ZNF618: variants seen among roughly 807,000 people sequenced by gnomAD.
ZNF618 encodes zinc finger protein 618.
Under a neutral mutation model 103.0 loss-of-function variants are expected in ZNF618, and 34 were observed. The ratio of observed to expected loss-of-function variants is 0.33; its 90% CI spans 0.25 to 0.44. The LOEUF (loss-of-function observed/expected upper bound fraction) is 0.44, where lower values mean the gene tolerates loss of function less well. ZNF618 is among the 20% of genes least tolerant of loss of function. ZNF618 has a pLI of 1.00. For missense variants in ZNF618, 1,059 were observed against 1,295.4 expected, an observed-to-expected ratio of 0.82 and a Z score of 2.80; for synonymous variants, 551 against 542.2, an observed-to-expected ratio of 1.02 and a Z score of -0.23.
chr9:113,935,238 G>A (rs35678978), intron 1 of ZNF618, among the ~76,000 whole-genome samples: 6,652 of 152,280 alleles, frequency 0.044, 150 homozygotes, highest in African/African-American at 0.05. Context: ...ACCTCTCTGG[G>A]TAGTGCCCCT....
chr9:113,994,262 G>A (rs1028943199), intron 3 of ZNF618, among the ~76,000 whole-genome samples: 1 of 152,194 alleles, frequency 6.6e-6, no homozygotes, highest in African/African-American at 2.4e-5. Context: ...TTCAGCCTGT[G>A]ACAGACCCAG....
chr9:113,984,858 A>G (rs1354277204), intron 2 of ZNF618, among the ~76,000 whole-genome samples: 2 of 152,186 alleles, frequency 1.3e-5, no homozygotes, highest in Admixed American at 6.5e-5. Flanking sequence ...CTTCATCAGC[A>G]TGACCACCTC....
intron 9 of ZNF618, among the ~76,000 whole-genome samples, chr9:114,011,611 A>T (rs1035517279): frequency 4.6e-5 from 7 of 152,178 alleles, no homozygotes; most frequent in Non-Finnish European, 8.8e-5. Context: ...ATGCCACAGA[A>T]CGCGAAAAAC....
intron 1 of ZNF618, among the ~76,000 whole-genome samples, chr9:113,878,962 CCTT>C (rs1452247548): frequency 1.3e-5 from 2 of 151,526 alleles, no homozygotes; most frequent in African/African-American, 4.8e-5. Context: ...GTAACGAAAT[CCTT>C]CAGGGCTGAC....
intron 1 of ZNF618, among the ~76,000 whole-genome samples, chr9:113,935,091 C>T (rs377524960): frequency 5.3e-5 from 8 of 152,214 alleles, no homozygotes; most frequent in African/African-American, 1.7e-4. Flanking sequence ...AGAGGGACCT[C>T]AGTGGCCTGG....
chr9:113,920,880 G>A (rs755070550), intron 1 of ZNF618, among the ~76,000 whole-genome samples: 2 of 152,250 alleles, frequency 1.3e-5, no homozygotes, highest in Non-Finnish European at 2.9e-5. Flanking sequence ...CATGTGGCTA[G>A]TTGTAGTTTT....
At chr9:113,999,689 G>T (rs1840990990) in intron 4 of ZNF618, among the ~76,000 whole-genome samples, 2 of 152,362 alleles carry the variant, frequency 1.3e-5, no homozygotes, top group East Asian at 3.9e-4. Context: ...CCCCACTGCA[G>T]TTGGGCCAGG....
At chr9:113,924,341 A>C (rs2131702683) in intron 1 of ZNF618, among the ~76,000 whole-genome samples, 1 of 151,512 alleles carries the variant, frequency 6.6e-6, no homozygotes, top group East Asian at 1.9e-4. Context: ...TCATCCTTTT[A>C]ATGTCCATGA....
At chr9:113,950,278 C>G (rs1374551695) in intron 1 of ZNF618, among the ~76,000 whole-genome samples, 1 of 152,302 alleles carries the variant, frequency 6.6e-6, no homozygotes, top group African/African-American at 2.4e-5. Flanking sequence ...TGAGCATGTG[C>G]TAGTTGACAC....
At chr9:114,000,166 T>A (rs1318536739) in intron 4 of ZNF618, among the ~76,000 whole-genome samples, 2 of 151,984 alleles carry the variant, frequency 1.3e-5, no homozygotes, top group Non-Finnish European at 2.9e-5. Context: ...GCCCTTGGAG[T>A]GACCCACAGT....
intron 1 of ZNF618, among the ~76,000 whole-genome samples, chr9:113,946,843 A>G (rs1835083434): frequency 1.3e-5 from 2 of 152,196 alleles, no homozygotes; most frequent in African/African-American, 2.4e-5. Flanking sequence ...GGTTATTCCC[A>G]GGACCCTTCC....
At chr9:113,949,901 C>T (rs1835391332) in intron 1 of ZNF618, among the ~76,000 whole-genome samples, 1 of 152,134 alleles carries the variant, frequency 6.6e-6, no homozygotes, top group South Asian at 2.1e-4. Flanking sequence ...AGGGAGTTGG[C>T]ACGGGAGGCA....
chr9:113,878,549 G>A (rs976753708), intron 1 of ZNF618, among the ~76,000 whole-genome samples: 2 of 152,160 alleles, frequency 1.3e-5, no homozygotes, highest in Non-Finnish European at 1.5e-5. Context: ...TGACAGATGA[G>A]AATAAAGTAC....
chr9:114,027,078 A>G (rs983936943), intron 10 of ZNF618, among the ~76,000 whole-genome samples: 1 of 152,144 alleles, frequency 6.6e-6, no homozygotes, highest in Non-Finnish European at 1.5e-5. Context: ...GCCTATTGCA[A>G]CATTGAATGT....
intron 1 of ZNF618, among the ~76,000 whole-genome samples, chr9:113,886,268 T>C (rs1166565216): frequency 6.6e-6 from 1 of 152,212 alleles, no homozygotes; most frequent in Non-Finnish European, 1.5e-5. Context: ...CCTCTCAGCT[T>C]TGAGCCTGTG....
intron 2 of ZNF618, among the ~76,000 whole-genome samples, chr9:113,980,573 G>T (rs1838882074): frequency 6.6e-6 from 1 of 152,132 alleles, no homozygotes; most frequent in African/African-American, 2.4e-5. Context: ...AATTAAAAAA[G>T]ATAAATAAGA....
intron 13 of ZNF618, among the ~76,000 whole-genome samples, chr9:114,043,926 G>A (rs1588447715): frequency 1.3e-5 from 2 of 152,260 alleles, no homozygotes; most frequent in East Asian, 3.9e-4. Flanking sequence ...ATTTGTTTGA[G>A]TTCTTCATAG....
In ZNF618 at chr9:114,048,529, GT is replaced by G. The variant is rs2134664730; in HGVS notation, c.1349-121del. The G allele has an allele frequency of 1.2e-5, 12 of 1,030,110 alleles. No individual in the cohort carries two copies. The South Asian group carries it at 2.0e-4, about 17-fold the overall frequency. 63.8% of individuals were successfully genotyped at this position (1,030,110 alleles called of 1,614,324 possible). A position where few individuals can be genotyped will look rare whatever the true frequency, so the allele number is the denominator to read the frequency against. On this transcript the variant is annotated intron_variant, in intron 14 of 14. Transcript: ENST00000374126. The stretch of plus-strand genomic sequence containing the variant: ...TAAAGGCAGCCAGCACCACCCATGT[GT>G]GTGCAAGAGGAAATATATTTGCCAT...
intron 1 of ZNF618, among the ~76,000 whole-genome samples, chr9:113,903,081 AC>A (rs1830693426): frequency 6.6e-6 from 1 of 152,208 alleles, no homozygotes; most frequent in Non-Finnish European, 1.5e-5. Flanking sequence ...CCTGACCTGA[AC>A]TGAGTAAGTC....
Sources: gnomAD v4.1 joint callset for allele counts (sites outside exome capture counted in the v4.1 genomes callset) on GRCh38, gnomAD v4.1.1 for gene constraint, MANE v1.5 for transcripts, NCBI Gene and HGNC (gene_info 2026-07-23, HGNC 2026-07-21) for gene names.